PFKFB2: variants seen among roughly 807,000 people sequenced by gnomAD.
PFKFB2 encodes the protein 6-phosphofructo-2-kinase/fructose-2,6-biphosphatase 2.
PFKFB2 carries 53 observed loss-of-function variants against 68.0 expected under a neutral mutation model. That is an observed-to-expected ratio of 0.78 (90% CI 0.63 to 0.98). The LOEUF (loss-of-function observed/expected upper bound fraction) is 0.98. Among genes scored for constraint, PFKFB2 ranks in the 50% least tolerant of loss-of-function variants. PFKFB2 has a pLI of 0.00. For synonymous variants in PFKFB2, 222 were observed against 227.6 expected, an observed-to-expected ratio of 0.98 and a Z score of 0.22; for missense variants, 451 against 642.0, an observed-to-expected ratio of 0.70 and a Z score of 3.22.
intron 2 of PFKFB2, chr1:207,045,787 T>C (rs562994275): frequency 3.9e-5 from 6 of 152,094 alleles, no homozygotes; most frequent in East Asian, 1.9e-4. Flanking sequence ...ACAAATTAGA[T>C]AGATAACATA....
Position 207,074,187 on chromosome 1 carries a change from G to A in PFKFB2, c.*1816G>A. On this transcript the variant is annotated 3_prime_UTR_variant, in exon 15 of 15. Transcript: ENST00000367080. Reference sequence around the variant, plus strand: ...TAAGAACTCCACCTTAGGAAGTTAGGTGGAAAAATACTGGATAGTAGTTTC... The same window carrying A: ...TAAGAACTCCACCTTAGGAAGTTAGATGGAAAAATACTGGATAGTAGTTTC... 1 of 985,288 alleles carries A rather than the reference G, an allele frequency of 1.0e-6. No homozygotes were observed. The highest frequency in any genetic ancestry group is 1.2e-6 in the Non-Finnish European group (1 of 829,824). The allele number at this position is 985,288 out of a possible 1,614,324, so 61.0% of individuals were successfully genotyped here.
At position 207,075,853 on chromosome 1, in the gene PFKFB2, A is replaced by T; in HGVS notation, c.*3482A>T. On this transcript the variant is annotated 3_prime_UTR_variant, in exon 15 of 15. Transcript: ENST00000367080. ...CAGATTTGAAAGAGAATTCTAAAGC[A>T]GATTTAGAGAACCTGCTTCTCTTCT... 1 of 983,560 alleles carries T rather than the reference A, an allele frequency of 1.0e-6. No individual in the cohort carries two copies. Among genetic ancestry groups the T allele is most frequent in the Non-Finnish European group, 1.2e-6 (1 of 828,180 alleles). 60.9% of individuals were successfully genotyped at this position (983,560 alleles called of 1,614,324 possible).
At chr1:207,078,262 A>G (rs1465397456), downstream of PFKFB2, among the ~76,000 whole-genome samples, 1 of 152,212 alleles carries the variant, frequency 6.6e-6, no homozygotes, top group Non-Finnish European at 1.5e-5. Flanking sequence ...TTTTTGAGAC[A>G]GGAAATACAG....
chr1:207,056,028 T>C (rs1201316336), intron 2 of PFKFB2, among the ~76,000 whole-genome samples: 1 of 152,092 alleles, frequency 6.6e-6, no homozygotes, highest in East Asian at 1.9e-4. Flanking sequence ...GAATCCCGGG[T>C]TTATGACTTC....
upstream of PFKFB2, among the ~76,000 whole-genome samples, chr1:207,050,301 GA>G (rs926498163): frequency 2.3e-4 from 34 of 148,372 alleles, no homozygotes; most frequent in East Asian, 9.8e-4. Flanking sequence ...AATGAATCAA[GA>G]AAAAAAAAAT....
chr1:207,041,271 A>G (rs1682476702), intron 1 of PFKFB2, among the ~76,000 whole-genome samples: 1 of 151,190 alleles, frequency 6.6e-6, no homozygotes. Flanking sequence ...TCTGGGATAC[A>G]TGTGCAGAAC....
chr1:207,065,440 C>G (rs983567624), intron 8 of PFKFB2: 7 of 323,070 alleles, frequency 2.2e-5, no homozygotes, highest in African/African-American at 1.6e-4. Context: ...AACTGCTGCC[C>G]CCGGGGCTCA....
Position 207,075,409 on chromosome 1 carries a change from T to C in PFKFB2, c.*3038T>C. 2 of 985,460 alleles carry C rather than the reference T, an allele frequency of 2.0e-6. No homozygotes were observed. The highest frequency in any genetic ancestry group is 1.7e-5 in the African/African-American group (1 of 57,370). The allele number at this position is 985,460 out of a possible 1,614,324, so 61.0% of individuals were successfully genotyped here. ...CTAGCAGGAAGAAGCCAGGAGAATG[T>C]AGAATGGAAAAGAGCTCTTACTCCA... is the stretch of plus-strand genomic sequence containing the variant. On this transcript the variant is annotated 3_prime_UTR_variant, in exon 15 of 15. Coordinates refer to ENST00000367080, the MANE Select transcript of PFKFB2 (RefSeq NM_006212.2).
rs754413815 is a variant in PFKFB2, at chr1:207,063,097, G to T, written c.309-46G>T. 1 of 1,527,046 alleles carries T rather than the reference G, an allele frequency of 6.5e-7. No individual in the cohort carries two copies. 94.6% of individuals were successfully genotyped at this position (1,527,046 alleles called of 1,614,324 possible). Reference sequence around the variant, plus strand: ...CACCCGAATGTTTGTGTCTCTGACTGTTTGAGCTTAGCTCTCCTTGCTGGT... The same window carrying T: ...CACCCGAATGTTTGTGTCTCTGACTTTTTGAGCTTAGCTCTCCTTGCTGGT... On this transcript the variant is annotated intron_variant, in intron 4 of 14. Transcript: ENST00000367080. The surrounding 1 kb of genome is among the most constrained non-coding windows in gnomAD (Gnocchi z 4.1).
chr1:207,062,505 A>G, intron 3 of PFKFB2, 115 bp from the exon 4 acceptor site: 1 of 1,499,896 alleles, frequency 6.7e-7, no homozygotes, highest in South Asian at 1.3e-5. Flanking sequence ...CCAACCTACC[A>G]TGCTGCCGCT....
intron 2 of PFKFB2, chr1:207,047,641 CTT>C (rs1682630497): frequency 6.6e-6 from 1 of 152,578 alleles, no homozygotes; most frequent in Non-Finnish European, 1.5e-5. Context: ...AGGTAGAAAA[CTT>C]TTATCTGGAA....
intron 2 of PFKFB2, chr1:207,061,039 TAA>T (rs1683076333): frequency 7.3e-6 from 1 of 136,800 alleles, no homozygotes; most frequent in Non-Finnish European, 1.5e-5. Flanking sequence ...ATAAATATCT[TAA>T]ATATATATAT....
intron 7 of PFKFB2, among the ~76,000 whole-genome samples, chr1:207,064,617 T>C (rs1366146900): frequency 1.3e-5 from 2 of 152,182 alleles, no homozygotes; most frequent in Non-Finnish European, 2.9e-5. Flanking sequence ...CTTATGCAGG[T>C]GCTCTCCCAG....
intron 10 of PFKFB2, 75 bp from the exon 11 acceptor site, chr1:207,069,349 C>A: frequency 1.0e-6 from 1 of 995,562 alleles, no homozygotes; most frequent in Non-Finnish European, 1.6e-6. Flanking sequence ...TCTTCAATGT[C>A]ATCTTCCTTA....
upstream of PFKFB2, chr1:207,050,794 G>A: frequency 6.2e-7 from 1 of 1,613,466 alleles, no homozygotes; most frequent in Non-Finnish European, 8.5e-7. Context: ...CGATCCCGGT[G>A]ATGGCGGCAA....
Position 207,074,349 on chromosome 1 carries a change from G to A in PFKFB2, c.*1978G>A, listed in dbSNP as rs1415108562. ...AAGGCAGGCTGCTGTGTTTTAGAGG[G>A]TTATTCTAGGTTCTAGTCCCATCTT... is the stretch of plus-strand genomic sequence containing the variant. On this transcript the variant is annotated 3_prime_UTR_variant, in exon 15 of 15. Transcript: ENST00000367080. 1.6e-5 allele frequency: 16 copies of A among 985,270 alleles called. No homozygotes were observed. The East Asian group carries it at 3.4e-4, about 21-fold the overall frequency. The allele number at this position is 985,270 out of a possible 1,614,324, so 61.0% of individuals were successfully genotyped here. A position where few individuals can be genotyped will look rare whatever the true frequency, so the allele number is the denominator to read the frequency against.
At chr1:207,054,157 C>A (rs1217799380) in intron 1 of PFKFB2, among the ~76,000 whole-genome samples, 1 of 152,046 alleles carries the variant, frequency 6.6e-6, no homozygotes, top group African/African-American at 2.4e-5. Flanking sequence ...CCGCCTCAGC[C>A]TCCCCAAGTG....
chr1:207,079,108 A>G, downstream of PFKFB2: 1 of 1,163,380 alleles, frequency 8.6e-7, no homozygotes, highest in Non-Finnish European at 1.3e-6. Flanking sequence ...TAGAACAGGA[A>G]GTTAAGTGGG....
In PFKFB2 at chr1:207,073,118, C is replaced by T; in HGVS notation, c.*747C>T. The T allele has an allele frequency of 1.0e-6, 1 of 985,506 alleles. No homozygotes were observed. The highest frequency in any genetic ancestry group is 1.2e-6 in the Non-Finnish European group (1 of 829,978). 61.0% of individuals were successfully genotyped at this position (985,506 alleles called of 1,614,324 possible). A position where few individuals can be genotyped will look rare whatever the true frequency, so the allele number is the denominator to read the frequency against. ...TGCAAGTAGACATAGGGTGAGAGTT[C>T]TTGCCTCCTTTCATGAGAAACAGTT... On this transcript the variant is annotated 3_prime_UTR_variant, in exon 15 of 15. Coordinates refer to ENST00000367080, the MANE Select transcript of PFKFB2 (RefSeq NM_006212.2).
Sources: gnomAD v4.1 joint callset for allele counts (sites outside exome capture counted in the v4.1 genomes callset) on GRCh38, gnomAD v4.1.1 for gene constraint, Gnocchi (gnomAD v3.1) non-coding constraint, MANE v1.5 for transcripts, NCBI Gene and HGNC (gene_info 2026-07-23, HGNC 2026-07-21) for gene names.